The following NPR3 variants were observed in gnomAD, a reference collection of about 807,000 sequenced individuals.
NPR3 encodes natriuretic peptide receptor 3, also known as atrial natriuretic peptide receptor 3.
A neutral mutation model predicts 54.5 loss-of-function variants in NPR3; 34 were observed. The observed-to-expected ratio is 0.62, with a 90% CI of 0.47 to 0.83. The LOEUF (loss-of-function observed/expected upper bound fraction) is 0.83, where lower values mean the gene tolerates loss of function less well. Among genes scored for constraint, NPR3 ranks in the 40% least tolerant of loss-of-function variants. The pLI is 0.00. For synonymous variants in NPR3, 289 were observed against 297.1 expected, an observed-to-expected ratio of 0.97 and a Z score of 0.28; for missense variants, 674 against 720.8, an observed-to-expected ratio of 0.94 and a Z score of 0.74.
intron 1 of NPR3, among the ~76,000 whole-genome samples, chr5:32,717,959 A>C (rs894949886): frequency 6.6e-6 from 1 of 152,112 alleles, no homozygotes; most frequent in Admixed American, 6.6e-5. Context: ...GTATTGCCTA[A>C]GTCTTCTTCT....
intron 1 of NPR3, among the ~76,000 whole-genome samples, chr5:32,700,445 G>A (rs1740638688): frequency 6.6e-6 from 1 of 151,690 alleles, no homozygotes; most frequent in Non-Finnish European, 1.5e-5. Flanking sequence ...TGCGCACAAT[G>A]TGCAGGTTTG....
At chr5:32,697,641 A>G (rs1740564049) in intron 1 of NPR3, among the ~76,000 whole-genome samples, 1 of 152,068 alleles carries the variant, frequency 6.6e-6, no homozygotes, top group South Asian at 2.1e-4. Context: ...CTGCTGAGAG[A>G]CTTTTTATTA....
chr5:32,723,609 T>C (rs1415943444), intron 1 of NPR3, among the ~76,000 whole-genome samples: 1 of 152,236 alleles, frequency 6.6e-6, no homozygotes, highest in African/African-American at 2.4e-5. Context: ...TACCATGCTA[T>C]TAAGTATAAA....
chr5:32,789,789 A>T lies in NPR3; in HGVS notation c.*3444A>T. ...ATAGATCTCATGCAGATAGTGATGGATTCAGAAAGTAGGTTCCAGTGGCGT... is the reference window on the plus strand; with the variant it reads ...ATAGATCTCATGCAGATAGTGATGGTTTCAGAAAGTAGGTTCCAGTGGCGT... On this transcript the variant is annotated 3_prime_UTR_variant, in exon 8 of 8. Transcript: ENST00000265074. 1.9e-6 allele frequency: 1 copy of T among 514,842 alleles called. No individual in the cohort carries two copies. Among genetic ancestry groups the T allele is most frequent in the Non-Finnish European group, 4.0e-6 (1 of 250,358 alleles). 31.9% of individuals were successfully genotyped at this position (514,842 alleles called of 1,614,324 possible).
At chr5:32,753,617 C>A (rs1015200402) in intron 3 of NPR3, among the ~76,000 whole-genome samples, 1 of 141,118 alleles carries the variant, frequency 7.1e-6, no homozygotes, top group Non-Finnish European at 1.5e-5. Flanking sequence ...CTCAGGGTCT[C>A]AGCATCCTTT....
At chr5:32,755,152 G>A (rs1471218607) in intron 3 of NPR3, among the ~76,000 whole-genome samples, 1 of 152,218 alleles carries the variant, frequency 6.6e-6, no homozygotes, top group African/African-American at 2.4e-5. Context: ...GAGCCACCGC[G>A]CCCGGCCAAG....
intron 2 of NPR3, among the ~76,000 whole-genome samples, chr5:32,733,485 C>A (rs75494737): frequency 6.6e-6 from 1 of 152,124 alleles, no homozygotes; most frequent in Non-Finnish European, 1.5e-5. Flanking sequence ...CTTATCTGGG[C>A]GATCCTGTCT....
At chr5:32,780,629 T>C in intron 4 of NPR3, 93 bp from the exon 5 acceptor site, 6 of 774,252 alleles carry the variant, frequency 7.7e-6, no homozygotes, top group South Asian at 6.8e-5. Flanking sequence ...TGAGTTTGTT[T>C]AAAAAATCCT....
chr5:32,696,347 A>G (rs1239959385), intron 1 of NPR3, among the ~76,000 whole-genome samples: 1 of 151,398 alleles, frequency 6.6e-6, no homozygotes, highest in African/African-American at 2.4e-5. Flanking sequence ...ATTCTGTTAC[A>G]TTGGTCTCTG....
chr5:32,704,914 C>A (rs1737946083), upstream of NPR3, among the ~76,000 whole-genome samples: 1 of 152,092 alleles, frequency 6.6e-6, no homozygotes, highest in Non-Finnish European at 1.5e-5. Flanking sequence ...TAAACATAGT[C>A]AGTATTGGTA....
chr5:32,717,019 A>G (rs1295925261), intron 1 of NPR3, among the ~76,000 whole-genome samples: 1 of 29,984 alleles, frequency 3.3e-5, no homozygotes, highest in African/African-American at 1.6e-4. Flanking sequence ...CCACCCCCTG[A>G]CAGGCCCCGG....
At chr5:32,692,388 T>C (rs896934901) in intron 1 of NPR3, among the ~76,000 whole-genome samples, 1 of 152,104 alleles carries the variant, frequency 6.6e-6, no homozygotes, top group Non-Finnish European at 1.5e-5. Flanking sequence ...GGAACAATAA[T>C]AAAAAGGCTG....
chr5:32,695,287 C>T (rs1740495480), intron 1 of NPR3, among the ~76,000 whole-genome samples: 1 of 151,938 alleles, frequency 6.6e-6, no homozygotes, highest in African/African-American at 2.4e-5. Flanking sequence ...TTTTTTGAGA[C>T]GGAGCCTCGC....
At chr5:32,752,285 A>C (rs1361984851) in intron 3 of NPR3, among the ~76,000 whole-genome samples, 1 of 152,222 alleles carries the variant, frequency 6.6e-6, no homozygotes. Context: ...CTAGTTTTGC[A>C]CAGAAGCAGT....
intron 1 of NPR3, among the ~76,000 whole-genome samples, chr5:32,722,839 C>G (rs1168752083): frequency 1.3e-5 from 2 of 152,166 alleles, no homozygotes; most frequent in Non-Finnish European, 2.9e-5. Flanking sequence ...ACTGAGGCAT[C>G]TTGGAATTGA....
chr5:32,720,474 T>G (rs1172746445), intron 1 of NPR3, among the ~76,000 whole-genome samples: 1 of 152,220 alleles, frequency 6.6e-6, no homozygotes, highest in Non-Finnish European at 1.5e-5. Flanking sequence ...TCTGCTGTTC[T>G]TAGAGTGATT....
intron 1 of NPR3, among the ~76,000 whole-genome samples, chr5:32,714,260 TGCCCCGGCGCACGTG>T (rs1351688750): frequency 6.6e-6 from 1 of 152,260 alleles, no homozygotes; most frequent in Non-Finnish European, 1.5e-5. Context: ...TGTCAGCGGC[TGCCCCGGCGCACGTG>T]GCCTGGGATA....
chr5:32,698,466 T>A (rs1428643448), intron 1 of NPR3, among the ~76,000 whole-genome samples: 4 of 152,150 alleles, frequency 2.6e-5, no homozygotes, highest in African/African-American at 9.6e-5. Context: ...TTGGATGAAA[T>A]GATCTGTAAA....
chr5:32,701,507 C>T (rs998550706), intron 1 of NPR3, among the ~76,000 whole-genome samples: 9 of 152,122 alleles, frequency 5.9e-5, no homozygotes, highest in Non-Finnish European at 1.2e-4. Context: ...AGGATTGATC[C>T]TTGTTGCCTT....
Sources: gnomAD v4.1 joint callset for allele counts (sites outside exome capture counted in the v4.1 genomes callset) on GRCh38, gnomAD v4.1.1 for gene constraint, MANE v1.5 for transcripts, NCBI Gene and HGNC (gene_info 2026-07-23, HGNC 2026-07-21) for gene names.